Variants in PTPRR observed in about 807,000 individuals in gnomAD.
PTPRR encodes the protein receptor-type tyrosine-protein phosphatase R.
Under a neutral mutation model 77.2 loss-of-function variants are expected in PTPRR, and 38 were observed. The ratio of observed to expected loss-of-function variants is 0.49; its 90% CI spans 0.38 to 0.65. PTPRR has a LOEUF of 0.65. Among genes scored for constraint, PTPRR ranks in the 30% least tolerant of loss-of-function variants. The pLI is 0.00. For missense variants in PTPRR, 744 were observed against 799.2 expected (o/e 0.93, Z 0.83); for synonymous variants, 299 against 283.1 (o/e 1.06, Z -0.57).
chr12:70,880,980 A>C (rs1195224230), intron 2 of PTPRR, among the ~76,000 whole-genome samples: 1 of 152,186 alleles, frequency 6.6e-6, no homozygotes, highest in Non-Finnish European at 1.5e-5. Context: ...CATGAAAAAA[A>C]ATTTTGTAAT....
At chr12:70,856,754 G>T (rs1445002627) in intron 2 of PTPRR, among the ~76,000 whole-genome samples, 1 of 151,500 alleles carries the variant, frequency 6.6e-6, no homozygotes, top group East Asian at 1.9e-4. Context: ...ATTATTTAGG[G>T]TTGGTGTTTG....
chr12:70,745,914 T>G lies in PTPRR; in HGVS notation c.911A>C (p.Asp304Ala). ...QAPKVLNVVV[D>A]PQGRGAPEIK... ...CTCAGGAGCACCTCGGCCTTGAGGG[T>G]CCACGACAACATTCAGTACCTTTGG... is the stretch of plus-strand genomic sequence containing the variant. Residue 304 changes from aspartate to alanine, a missense_variant, in exon 6 of 14, where the codon GAC becomes GCC. Physicochemically the swap from Asp to Ala is moderately radical, Grantham distance 126. Transcript: ENST00000283228. 5 of 1,613,796 alleles carry G rather than the reference T, an allele frequency of 3.1e-6. No homozygotes were observed. The highest frequency in any genetic ancestry group is 4.2e-6 in the Non-Finnish European group (5 of 1,179,958).
intron 1 of PTPRR, among the ~76,000 whole-genome samples, chr12:70,897,422 C>T (rs1893449805): frequency 6.6e-6 from 1 of 151,862 alleles, no homozygotes; most frequent in African/African-American, 2.4e-5. Context: ...CATCACTGGC[C>T]ATCAGAGAAA....
chr12:70,740,688 G>A (rs1288728737), intron 6 of PTPRR, among the ~76,000 whole-genome samples: 3 of 151,952 alleles, frequency 2.0e-5, no homozygotes, highest in Admixed American at 6.6e-5. Context: ...ATATCAAAGT[G>A]ATAGATTCTC....
At chr12:70,811,378 T>C (rs1891805656) in intron 2 of PTPRR, among the ~76,000 whole-genome samples, 1 of 152,234 alleles carries the variant, frequency 6.6e-6, no homozygotes, top group African/African-American at 2.4e-5. Flanking sequence ...ATGATATTTG[T>C]AGTCTGGCTG....
chr12:70,650,415 G>A (rs1886351395), intron 13 of PTPRR, among the ~76,000 whole-genome samples: 1 of 151,674 alleles, frequency 6.6e-6, no homozygotes, highest in Non-Finnish European at 1.5e-5. Context: ...TGACAAGAAA[G>A]AAATTCCATC....
Position 70,864,959 on chromosome 12 carries a change from G to C in PTPRR, c.357+27720C>G, listed in dbSNP as rs754990681. Reference sequence around the variant, plus strand: ...CCTGAGTAGCTGGGATTACAGGCGTGCGTCACCACACCTGGCTAATTTTTT... The same window carrying C: ...CCTGAGTAGCTGGGATTACAGGCGTCCGTCACCACACCTGGCTAATTTTTT... On this transcript the variant is annotated intron_variant, in intron 2 of 13. Transcript: ENST00000283228. 1.3e-4 allele frequency among the ~76,000 whole-genome samples: 20 copies of C among 151,940 alleles called. 1 individual carries two copies. In the South Asian group the frequency reaches 4.1e-3, roughly 32 times the overall value.
intron 2 of PTPRR, among the ~76,000 whole-genome samples, chr12:70,887,720 A>C (rs1396895698): frequency 6.6e-6 from 1 of 152,102 alleles, no homozygotes; most frequent in African/African-American, 2.4e-5. Flanking sequence ...TGAGGAAGAG[A>C]GAAGGCCAGA....
In PTPRR at chr12:70,698,262, T is replaced by C. The variant is rs1461052215; in HGVS notation, c.1279+3A>G. ...ATGCAAATTATAAAATCAAGAAGCTTACTTGGTAAAATGGTCTTATAGCGA... is the reference window on the plus strand; with the variant it reads ...ATGCAAATTATAAAATCAAGAAGCTCACTTGGTAAAATGGTCTTATAGCGA... On this transcript the variant is annotated splice_donor_region_variant and intron_variant, in intron 8 of 13. Coordinates refer to ENST00000283228, the MANE Select transcript of PTPRR (RefSeq NM_002849.4). 6.2e-7 allele frequency: 1 copy of C among 1,611,978 alleles called. No homozygotes were observed. Among genetic ancestry groups the C allele is most frequent in the Non-Finnish European group, 8.5e-7 (1 of 1,178,496 alleles).
chr12:70,766,215 C>T lies in PTPRR; in HGVS notation c.358-1437G>A, dbSNP rs531439713. On this transcript the variant is annotated intron_variant, in intron 2 of 13. Coordinates refer to ENST00000283228, the MANE Select transcript of PTPRR (RefSeq NM_002849.4). ...AAGGCTTCAGACAATGAAACTACTC[C>T]GAGCTACAGGAGGAAATTCAAACCA... Among the ~76,000 whole-genome samples the T allele has an allele frequency of 9.2e-5, 14 of 152,188 alleles. No homozygotes were observed. The East Asian group carries it at 1.4e-3, about 15-fold the overall frequency.
At chr12:70,815,788 G>A (rs932702118) in intron 2 of PTPRR, among the ~76,000 whole-genome samples, 14 of 152,142 alleles carry the variant, frequency 9.2e-5, no homozygotes, top group Non-Finnish European at 1.8e-4. Flanking sequence ...ACACACATTT[G>A]AGCTCTTATT....
At chr12:70,835,709 A>G (rs1385655155) in intron 2 of PTPRR, among the ~76,000 whole-genome samples, 6 of 152,170 alleles carry the variant, frequency 3.9e-5, no homozygotes, top group Non-Finnish European at 8.8e-5. Flanking sequence ...CTTTCATGCT[A>G]GAAAAGTAAA....
intron 2 of PTPRR, among the ~76,000 whole-genome samples, chr12:70,878,255 C>T (rs566050435): frequency 4.6e-5 from 7 of 152,116 alleles, no homozygotes; most frequent in African/African-American, 1.7e-4. Context: ...CAAATGGGAT[C>T]TAATTAAACT....
intron 1 of PTPRR, among the ~76,000 whole-genome samples, chr12:70,914,346 G>A (rs1027049535): frequency 3.9e-5 from 6 of 152,102 alleles, no homozygotes; most frequent in Non-Finnish European, 8.8e-5. Flanking sequence ...TTTGGAGAAA[G>A]AATATGATCA....
chr12:70,684,353 G>A, intron 9 of PTPRR, 89 bp from the exon 10 acceptor site: 2 of 1,430,934 alleles, frequency 1.4e-6, no homozygotes, highest in Non-Finnish European at 1.9e-6. Context: ...CGAAATAGCT[G>A]GGCTAGTACA....
At chr12:70,812,425 C>A (rs992696860) in intron 2 of PTPRR, among the ~76,000 whole-genome samples, 7 of 152,246 alleles carry the variant, frequency 4.6e-5, no homozygotes, top group Non-Finnish European at 8.8e-5. Flanking sequence ...GTGGACTACT[C>A]GTGAAAGTGC....
At chr12:70,746,185 G>A (rs1890210939) in intron 5 of PTPRR, 99 bp from the exon 6 acceptor site, 3 of 1,149,606 alleles carry the variant, frequency 2.6e-6, no homozygotes, top group South Asian at 3.2e-5. Context: ...CAAAATAAAG[G>A]CTTAACGATA....
At chr12:70,664,536 GC>G (rs1156945198) in intron 10 of PTPRR, 1 of 152,232 alleles carries the variant, frequency 6.6e-6, no homozygotes, top group Non-Finnish European at 1.5e-5. Flanking sequence ...TCAGACCTGA[GC>G]AGCAGGGCCC....
intron 2 of PTPRR, among the ~76,000 whole-genome samples, chr12:70,887,169 G>A (rs777497902): frequency 2.6e-5 from 4 of 152,140 alleles, no homozygotes; most frequent in Non-Finnish European, 5.9e-5. Context: ...TTAAGTAGGG[G>A]CCAGGCTCAG....
Sources: gnomAD v4.1 joint callset for allele counts (sites outside exome capture counted in the v4.1 genomes callset) on GRCh38, gnomAD v4.1.1 for gene constraint, MANE v1.5 for transcripts, NCBI Gene and HGNC (gene_info 2026-07-23, HGNC 2026-07-21) for gene names.